The following APLF variants were observed in gnomAD, a reference collection of about 807,000 sequenced individuals.
The protein encoded by APLF is aprataxin and PNKP like factor.
APLF carries 61 observed loss-of-function variants against 55.6 expected under a neutral mutation model. The observed-to-expected ratio is 1.10, with a 90% CI of 0.89 to 1.36. The LOEUF (loss-of-function observed/expected upper bound fraction) is 1.36, where lower values mean the gene tolerates loss of function less well. Among genes scored for constraint, APLF ranks in the 40% most tolerant of loss-of-function variants. The pLI, the probability that APLF is intolerant of heterozygous loss-of-function variation, is 0.00. For missense variants in APLF, 611 were observed against 602.5 expected (o/e 1.01, Z -0.15); for synonymous variants, 207 against 214.8 (o/e 0.96, Z 0.32).
intron 2 of APLF, among the ~76,000 whole-genome samples, chr2:68,496,277 G>T (rs1011398104): frequency 1.3e-5 from 2 of 151,806 alleles, no homozygotes; most frequent in African/African-American, 4.8e-5. Flanking sequence ...AATTTTTTTT[G>T]TATTTTTAGT....
chr2:68,539,141 T>A (rs951518520), intron 7 of APLF, among the ~76,000 whole-genome samples: 1 of 152,242 alleles, frequency 6.6e-6, no homozygotes, highest in Non-Finnish European at 1.5e-5. Flanking sequence ...TTCTGATTTA[T>A]GCTTTTTGAA....
At chr2:68,493,275 T>C (rs1676426434) in intron 2 of APLF, among the ~76,000 whole-genome samples, 1 of 152,016 alleles carries the variant, frequency 6.6e-6, no homozygotes, top group Admixed American at 6.6e-5. Context: ...TGCGTATCAG[T>C]GGGGAAGAGG....
intron 6 of APLF, among the ~76,000 whole-genome samples, chr2:68,536,365 ATCT>A (rs1226679308): frequency 6.6e-6 from 1 of 152,186 alleles, no homozygotes; most frequent in Admixed American, 6.5e-5. Flanking sequence ...AAAATGAAAT[ATCT>A]TCTTAAGAAA....
chr2:68,538,177 A>G lies in APLF; in HGVS notation c.1110A>G (p.Glu370=). Residue 370 remains glutamate (E), a synonymous_variant, in exon 7 of 10, where the codon GAA becomes GAG. Transcript: ENST00000303795. ...KATDSVLQGS[E]GNKVKRTSCM... is the part of the protein sequence containing the mutation. ...CTGATTCAGTTCTACAAGGTTCTGA[A>G]GGAAACAAGGTCAAGAGGACATCCT... 1 of 1,613,348 alleles carries G rather than the reference A, an allele frequency of 6.2e-7. No homozygotes were observed. The highest frequency in any genetic ancestry group is 8.5e-7 in the Non-Finnish European group (1 of 1,179,772).
intron 5 of APLF, among the ~76,000 whole-genome samples, chr2:68,520,667 A>G (rs1669871265): frequency 6.6e-6 from 1 of 151,846 alleles, no homozygotes; most frequent in South Asian, 2.1e-4. Context: ...CTGTTGGTCT[A>G]TGTGCCTGTT....
At chr2:68,525,742 C>CTTTTTTTTTGTTTTT (rs1670022802) in intron 5 of APLF, among the ~76,000 whole-genome samples, 1 of 82,036 alleles carries the variant, frequency 1.2e-5, no homozygotes, top group African/African-American at 6.2e-5. Flanking sequence ...TTCTTTCTTT[C>CTTTTTTTTTGTTTTT]TTTTTTTTTT....
At chr2:68,495,242 T>C in intron 2 of APLF, among the ~76,000 whole-genome samples, 1 of 152,144 alleles carries the variant, frequency 6.6e-6, no homozygotes, top group East Asian at 1.9e-4. Flanking sequence ...GTCCAAAGTC[T>C]CACCTGAGAC....
chr2:68,575,223 G>A (rs1671589685), intron 9 of APLF, among the ~76,000 whole-genome samples: 1 of 152,150 alleles, frequency 6.6e-6, no homozygotes, highest in Non-Finnish European at 1.5e-5. Context: ...GAGCAAGCCA[G>A]GTGATTATCT....
intron 7 of APLF, among the ~76,000 whole-genome samples, chr2:68,543,401 A>C (rs1558548604): frequency 6.6e-6 from 1 of 152,138 alleles, no homozygotes; most frequent in Non-Finnish European, 1.5e-5. Flanking sequence ...ATGGTTTGCC[A>C]CTCTCTGCTA....
At chr2:68,512,512 A>T (rs970238836) in intron 3 of APLF, among the ~76,000 whole-genome samples, 13 of 151,850 alleles carry the variant, frequency 8.6e-5, no homozygotes, top group African/African-American at 2.9e-4. Flanking sequence ...TGCATATTGC[A>T]GAAGTATGAG....
chr2:68,518,557 G>A (rs1268569346), intron 5 of APLF, among the ~76,000 whole-genome samples: 2,397 of 89,660 alleles, frequency 0.027, 33 homozygotes, highest in Middle Eastern at 0.081. Flanking sequence ...TATCAATAAT[G>A]TATCATGAAT....
intron 5 of APLF, among the ~76,000 whole-genome samples, chr2:68,514,154 G>T (rs72901910): frequency 0.14 from 21,968 of 151,542 alleles, 3,475 homozygotes; most frequent in African/African-American, 0.4. Flanking sequence ...TGGTTCTTTT[G>T]TGTAAGTTTA....
chr2:68,577,685 C>A, intron 9 of APLF, 135 bp from the exon 10 acceptor site: 2 of 1,053,102 alleles, frequency 1.9e-6, no homozygotes, highest in Non-Finnish European at 1.3e-6. Context: ...GTGCCGTTTC[C>A]AGAAATTTGT....
At chr2:68,544,561 A>T (rs1225495924) in intron 7 of APLF, among the ~76,000 whole-genome samples, 1 of 152,196 alleles carries the variant, frequency 6.6e-6, no homozygotes, top group African/African-American at 2.4e-5. Flanking sequence ...TTATTGTTCT[A>T]TTTAAGTCAA....
rs187102514 is a variant in APLF at position 68,477,111 on chromosome 2, A to G, written c.96+9284A>G. On this transcript the variant is annotated intron_variant, in intron 1 of 9. Transcript: ENST00000303795. The stretch of plus-strand genomic sequence containing the variant: ...AGGTAAAATTTATCAAAACATACAC[A>G]CACAAACACAGAGTGTACATAGTGC... Among the ~76,000 whole-genome samples, 866 of 152,306 alleles carry G rather than the reference A, an allele frequency of 5.7e-3. 7 individuals are homozygous for G. The highest frequency in any genetic ancestry group is 0.02 in the African/African-American group (821 of 41,582).
chr2:68,527,704 G>A lies in APLF; in HGVS notation c.804+1462G>A, dbSNP rs546792958. On this transcript the variant is annotated intron_variant, in intron 6 of 9. Transcript: ENST00000303795. ...CTTCTCACTGCCCAGACAGGGCAGG[G>A]CCCGGGCAGAGGCGCTCCTCACTTC... Among the ~76,000 whole-genome samples the A allele has an allele frequency of 9.2e-4, 137 of 148,588 alleles. 1 individual carries two copies. Among genetic ancestry groups the A allele is most frequent in the African/African-American group, 3.3e-3 (133 of 40,176 alleles).
rs568253199 is a variant in APLF, at chr2:68,576,127, A to G, written c.1334-1693A>G. On this transcript the variant is annotated intron_variant, in intron 9 of 9. Transcript: ENST00000303795. ...GTAAGTGATTTCTGAATCTGAAAGG[A>G]AACTGTTTATTGAGATATCATTAGG... 2.5e-3 allele frequency among the ~76,000 whole-genome samples: 376 copies of G among 152,224 alleles called. 3 individuals carry two copies. Among genetic ancestry groups the G allele is most frequent in the Non-Finnish European group, 4.4e-3 (299 of 67,992 alleles).
intron 2 of APLF, among the ~76,000 whole-genome samples, chr2:68,497,581 C>CTT (rs111444956): frequency 2.1e-5 from 3 of 145,118 alleles, no homozygotes; most frequent in African/African-American, 7.6e-5. Context: ...TCAATTAAAC[C>CTT]TTTTTTTTTT....
Position 68,579,852 on chromosome 2 carries a change from G to A in APLF, c.*1830G>A, listed in dbSNP as rs1021210635. On this transcript the variant is annotated 3_prime_UTR_variant, in exon 10 of 10. Transcript: ENST00000303795. ...CTTTTGAGTGATAAAAATGTTCTAA[G>A]ATTAGATGGCAGTGATGGTTGCACA... is the stretch of plus-strand genomic sequence containing the variant. 1.4e-4 allele frequency: 34 copies of A among 241,224 alleles called. No individual in the cohort carries two copies. The highest frequency in any genetic ancestry group is 2.1e-4 in the Non-Finnish European group (31 of 149,810). The allele number at this position is 241,224 out of a possible 1,614,324, so 14.9% of individuals were successfully genotyped here.
Sources: gnomAD v4.1 joint callset for allele counts (sites outside exome capture counted in the v4.1 genomes callset) on GRCh38, gnomAD v4.1.1 for gene constraint, MANE v1.5 for transcripts, NCBI Gene and HGNC (gene_info 2026-07-23, HGNC 2026-07-21) for gene names.